The following ADAMTSL1 variants were observed in gnomAD, a reference collection of about 807,000 sequenced individuals.
ADAMTSL1 encodes the protein ADAMTS like 1.
ADAMTSL1 carries 126 observed loss-of-function variants against 201.8 expected under a neutral mutation model. The ratio of observed to expected loss-of-function variants is 0.62; its 90% confidence interval spans 0.54 to 0.72. The LOEUF (loss-of-function observed/expected upper bound fraction) is 0.72, where lower values mean the gene tolerates loss of function less well. ADAMTSL1 is among the 30% of genes least tolerant of loss of function. The probability of loss-of-function intolerance (pLI) is 0.00; values close to 1 mark genes in which losing one functional copy is unlikely to be tolerated. For synonymous variants in ADAMTSL1, 1,121 were observed against 903.4 expected (o/e 1.24, Z -4.32); for missense variants, 2,679 against 2,277.8 (o/e 1.18, Z -3.59).
Position 17,909,513 on chromosome 9 carries a change from G to C in ADAMTSL1, c.87+2591G>C, listed in dbSNP as rs1485624976. ...GATTTTCGTATAAGGTGTAAGGAAG[G>C]GATGCAGACACATGCACACGTATGT... On this transcript the variant is annotated intron_variant, in intron 1 of 29. Transcript: ENST00000680146. 5.7e-5 allele frequency among the ~76,000 whole-genome samples: 4 copies of C among 69,718 alleles called. 1 individual carries two copies. The highest frequency in any genetic ancestry group is 1.8e-4 in the Non-Finnish European group (4 of 22,706). The allele number at this position is 69,718 out of a possible 152,430, so 45.7% of individuals were successfully genotyped here. A position where few individuals can be genotyped will look rare whatever the true frequency, so the allele number is the denominator to read the frequency against.
At chr9:18,055,751 G>C (rs1401664780) in intron 1 of ADAMTSL1, among the ~76,000 whole-genome samples, 5 of 152,224 alleles carry the variant, frequency 3.3e-5, no homozygotes, top group African/African-American at 1.2e-4. Flanking sequence ...TTATGATAGA[G>C]AAGAAGAATG....
At chr9:18,189,902 C>G (rs1828900677) in intron 2 of ADAMTSL1, among the ~76,000 whole-genome samples, 1 of 152,164 alleles carries the variant, frequency 6.6e-6, no homozygotes, top group Non-Finnish European at 1.5e-5. Flanking sequence ...TCATTCTCAA[C>G]AAGTAAGTCA....
intron 23 of ADAMTSL1, among the ~76,000 whole-genome samples, chr9:18,877,605 A>C (rs1016205240): frequency 2.0e-4 from 30 of 152,170 alleles, no homozygotes; most frequent in Admixed American, 6.5e-5. Flanking sequence ...CTCAGCCATG[A>C]ATACCAGTAC....
chr9:18,491,010 G>A, intron 1 of ADAMTSL1, among the ~76,000 whole-genome samples: 1 of 152,168 alleles, frequency 6.6e-6, no homozygotes, highest in East Asian at 1.9e-4. Context: ...GCACAAAGCA[G>A]GAGCTATGTG....
chr9:18,738,219 C>T (rs375227687), intron 15 of ADAMTSL1, among the ~76,000 whole-genome samples: 7 of 152,076 alleles, frequency 4.6e-5, no homozygotes, highest in Non-Finnish European at 1.0e-4. Context: ...TTCTTACAGC[C>T]GTGCTGTGAG....
At chr9:18,659,220 G>C (rs1283031658) in intron 8 of ADAMTSL1, among the ~76,000 whole-genome samples, 1 of 152,144 alleles carries the variant, frequency 6.6e-6, no homozygotes, top group African/African-American at 2.4e-5. Context: ...GGAGACAAAT[G>C]ATTACCCATA....
chr9:18,087,296 C>A (rs1470548436), intron 1 of ADAMTSL1, among the ~76,000 whole-genome samples: 1 of 152,060 alleles, frequency 6.6e-6, no homozygotes, highest in African/African-American at 2.4e-5. Context: ...ATATATTTAA[C>A]AATGAGTGTA....
At chr9:18,794,623 G>GT (rs1187262742) in intron 19 of ADAMTSL1, among the ~76,000 whole-genome samples, 1 of 127,952 alleles carries the variant, frequency 7.8e-6, no homozygotes, top group Admixed American at 8.3e-5. Context: ...GTTGTTTTTT[G>GT]TTGTTTTTTT....
chr9:18,776,968 G>A lies in ADAMTSL1; in HGVS notation c.2739G>A (p.Lys913=). The A allele has an allele frequency of 6.3e-7, 1 of 1,598,214 alleles. No homozygotes were observed. Among genetic ancestry groups the A allele is most frequent in the Non-Finnish European group, 8.5e-7 (1 of 1,170,902 alleles). The change falls in exon 19 of 29, where the codon AAG becomes AAA. Residue 913 remains lysine (K), a synonymous_variant. Transcript: ENST00000380548. The part of the protein sequence containing the change: ...RVRKPLITWE[K]DGQHLISSTH... ...GCAAGCCCCTCATCACCTGGGAGAA[G>A]GACGGCCAGCACCTCATCAGCTCGA...
At chr9:18,846,585 T>C (rs1228877922) in intron 23 of ADAMTSL1, among the ~76,000 whole-genome samples, 1 of 152,198 alleles carries the variant, frequency 6.6e-6, no homozygotes, top group Non-Finnish European at 1.5e-5. Flanking sequence ...CTTAAACAGC[T>C]TAAAAACAAG....
At chr9:18,235,862 T>G (rs1227482210) in intron 2 of ADAMTSL1, among the ~76,000 whole-genome samples, 1 of 152,204 alleles carries the variant, frequency 6.6e-6, no homozygotes, top group African/African-American at 2.4e-5. Flanking sequence ...TCACTGTATT[T>G]GGGGGGAATT....
At chr9:18,716,989 C>G (rs896797480) in intron 14 of ADAMTSL1, among the ~76,000 whole-genome samples, 2 of 128,326 alleles carry the variant, frequency 1.6e-5, no homozygotes, top group African/African-American at 5.4e-5. Flanking sequence ...ATCGCAAGAA[C>G]AAAAAACCAA....
intron 4 of ADAMTSL1, among the ~76,000 whole-genome samples, chr9:18,604,308 G>A (rs1824865684): frequency 6.6e-6 from 1 of 152,184 alleles, no homozygotes; most frequent in Non-Finnish European, 1.5e-5. Context: ...AAGCAAGGAG[G>A]CTTGAGGAAA....
intron 1 of ADAMTSL1, among the ~76,000 whole-genome samples, chr9:18,065,376 G>T (rs557038396): frequency 6.6e-6 from 1 of 152,118 alleles, no homozygotes; most frequent in African/African-American, 2.4e-5. Context: ...AACTCATGGT[G>T]TTTCATTACT....
At chr9:18,509,683 G>T (rs372903970) in intron 2 of ADAMTSL1, among the ~76,000 whole-genome samples, 8 of 152,186 alleles carry the variant, frequency 5.3e-5, no homozygotes, top group African/African-American at 1.9e-4. Flanking sequence ...AATTCCCAGT[G>T]CAAAGCCTGT....
chr9:17,926,059 C>T (rs1033767889), intron 1 of ADAMTSL1, among the ~76,000 whole-genome samples: 4 of 152,062 alleles, frequency 2.6e-5, no homozygotes, highest in African/African-American at 9.7e-5. Context: ...AAACAAAATA[C>T]CTGCAGATAC....
intron 20 of ADAMTSL1, among the ~76,000 whole-genome samples, chr9:18,814,566 G>T (rs1455291866): frequency 3.3e-5 from 5 of 152,124 alleles, no homozygotes; most frequent in Non-Finnish European, 1.5e-5. Flanking sequence ...AAAAAGAACA[G>T]GATCAAATTC....
At chr9:18,674,186 A>G (rs1212081901) in intron 9 of ADAMTSL1, among the ~76,000 whole-genome samples, 4 of 138,526 alleles carry the variant, frequency 2.9e-5, no homozygotes, top group African/African-American at 1.1e-4. Context: ...CTGAAGGTTA[A>G]TACACACACA....
chr9:18,227,178 C>T (rs1830460401), intron 2 of ADAMTSL1, among the ~76,000 whole-genome samples: 1 of 152,152 alleles, frequency 6.6e-6, no homozygotes, highest in African/African-American at 2.4e-5. Flanking sequence ...CAATTCTCCT[C>T]TAATCCCTCA....
Sources: allele counts gnomAD v4.1 joint callset (sites outside exome capture counted in the v4.1 genomes callset), GRCh38; gene constraint gnomAD v4.1.1; transcripts MANE v1.5; gene names NCBI Gene and HGNC (gene_info 2026-07-23, HGNC 2026-07-21).